Variants in SND1 observed in about 807,000 individuals in gnomAD.
SND1 encodes the protein staphylococcal nuclease domain-containing protein 1.
In SND1, 38 loss-of-function variants were observed where a neutral mutation model predicts 121.7. The ratio of observed to expected loss-of-function variants is 0.31; its 90% CI spans 0.24 to 0.41. SND1 has a LOEUF of 0.41. Among genes scored for constraint, SND1 ranks in the 10% least tolerant of loss-of-function variants. SND1 has a pLI of 1.00. For synonymous variants in SND1, 401 were observed against 447.4 expected, an observed-to-expected ratio of 0.90 and a Z score of 1.31; for missense variants, 868 against 1,184.6, an observed-to-expected ratio of 0.73 and a Z score of 3.92.
intron 12 of SND1, among the ~76,000 whole-genome samples, chr7:127,849,995 G>A (rs1018166957): frequency 6.6e-6 from 1 of 152,190 alleles, no homozygotes; most frequent in Non-Finnish European, 1.5e-5. Context: ...TTCGTGGATA[G>A]CGCTTACCTT....
At chr7:127,735,517 A>G (rs1006597017) in intron 10 of SND1, among the ~76,000 whole-genome samples, 2 of 152,278 alleles carry the variant, frequency 1.3e-5, no homozygotes, top group Admixed American at 6.5e-5. Context: ...GTTCCAGGCC[A>G]GCCCTGGCAA....
intron 17 of SND1, among the ~76,000 whole-genome samples, chr7:128,076,500 A>AG (rs1362054644): frequency 1.3e-5 from 2 of 152,102 alleles, no homozygotes; most frequent in African/African-American, 4.8e-5. Flanking sequence ...TTCCTCCTGG[A>AG]GGGGCTGTTT....
At chr7:127,821,476 C>T (rs906511683) in intron 11 of SND1, among the ~76,000 whole-genome samples, 3 of 152,128 alleles carry the variant, frequency 2.0e-5, no homozygotes, top group African/African-American at 7.2e-5. Context: ...ACTGTTGTCT[C>T]CAGGTTGATG....
At position 128,089,622 on chromosome 7, in the gene SND1, T is replaced by A; in HGVS notation, c.2552T>A (p.Val851Glu). Residue 851 changes from valine (V) to glutamate (E), a missense_variant, in exon 22 of 24, where the codon GTG (valine) becomes GAG (glutamate). By Grantham distance (121) the Val-to-Glu change is moderately radical. Transcript: ENST00000354725. ...TLQFADSKGD[V>E]GLGLVKEGLV... The stretch of plus-strand genomic sequence containing the variant: ...CAGTTTGCAGATTCCAAGGGCGATG[T>A]GGGGCTGGGCTTGGTGAAGGAAGGG... 1 of 1,614,098 alleles carries A rather than the reference T, an allele frequency of 6.2e-7. No homozygotes were observed. Among genetic ancestry groups the A allele is most frequent in the Non-Finnish European group, 8.5e-7 (1 of 1,179,986 alleles).
intron 10 of SND1, among the ~76,000 whole-genome samples, chr7:127,733,267 G>A (rs1489590301): frequency 1.3e-5 from 2 of 151,594 alleles, no homozygotes; most frequent in Non-Finnish European, 2.9e-5. Context: ...ATGGATAATT[G>A]AGGGATGGAA....
chr7:127,855,485 G>A (rs1799258317), intron 12 of SND1, among the ~76,000 whole-genome samples: 1 of 150,960 alleles, frequency 6.6e-6, no homozygotes, highest in African/African-American at 2.4e-5. Context: ...ATTAGATACT[G>A]TGTAATCATG....
chr7:127,855,552 A>G (rs1324120018), intron 12 of SND1, among the ~76,000 whole-genome samples: 1 of 152,064 alleles, frequency 6.6e-6, no homozygotes, highest in Non-Finnish European at 1.5e-5. Context: ...AGTTAGAGAT[A>G]ATAGTATATA....
chr7:127,928,117 G>A (rs922071990), intron 14 of SND1: 2 of 152,244 alleles, frequency 1.3e-5, no homozygotes, highest in Admixed American at 1.3e-4. Context: ...AGTTCTGAGA[G>A]TCGAAATGTC....
chr7:127,695,453 C>G (rs1795989908), intron 3 of SND1, among the ~76,000 whole-genome samples: 1 of 152,108 alleles, frequency 6.6e-6, no homozygotes, highest in Non-Finnish European at 1.5e-5. Flanking sequence ...GGTTAGAATT[C>G]TGATTTCCTA....
At chr7:127,976,829 C>T (rs1183967762) in intron 15 of SND1, among the ~76,000 whole-genome samples, 1 of 152,138 alleles carries the variant, frequency 6.6e-6, no homozygotes, top group East Asian at 1.9e-4. Context: ...TCCACAGTGC[C>T]TGGGGCTGCT....
At chr7:127,998,340 C>T in intron 16 of SND1, 1 of 191,080 alleles carries the variant, frequency 5.2e-6, no homozygotes, top group Non-Finnish European at 1.1e-5. Flanking sequence ...TACTATAGGA[C>T]CCTGACCTGC....
At chr7:127,724,674 T>C (rs1184397507) in intron 10 of SND1, among the ~76,000 whole-genome samples, 1 of 152,202 alleles carries the variant, frequency 6.6e-6, no homozygotes, top group Non-Finnish European at 1.5e-5. Context: ...AATTTTGAAT[T>C]GGTGAGTGGC....
intron 10 of SND1, among the ~76,000 whole-genome samples, chr7:127,760,859 G>A (rs17151270): frequency 0.33 from 50,127 of 152,026 alleles, 9,120 homozygotes; most frequent in Admixed American, 0.42. Flanking sequence ...GCCATTTGGT[G>A]GTTGCTGGTA....
chr7:128,008,935 T>C (rs1301459871), intron 16 of SND1, among the ~76,000 whole-genome samples: 1 of 152,204 alleles, frequency 6.6e-6, no homozygotes, highest in Non-Finnish European at 1.5e-5. Context: ...TATTTAGTCC[T>C]GATGGTGTGG....
intron 12 of SND1, among the ~76,000 whole-genome samples, chr7:127,861,359 T>C (rs1799374854): frequency 6.6e-6 from 1 of 152,228 alleles, no homozygotes; most frequent in South Asian, 2.1e-4. Flanking sequence ...GAATTGGGAC[T>C]ATTTTCTATA....
chr7:128,041,818 C>G (rs191400431), intron 16 of SND1, among the ~76,000 whole-genome samples: 5 of 152,314 alleles, frequency 3.3e-5, no homozygotes, highest in African/African-American at 9.6e-5. Flanking sequence ...TGCCTCATCC[C>G]AACACCACTC....
intron 10 of SND1, among the ~76,000 whole-genome samples, chr7:127,794,979 G>T (rs184781410): frequency 6.6e-6 from 1 of 152,176 alleles, no homozygotes; most frequent in Admixed American, 6.5e-5. Context: ...CTTTAGACCT[G>T]CTTTTGTCTT....
At chr7:127,864,557 T>C (rs1196366984) in intron 12 of SND1, among the ~76,000 whole-genome samples, 8 of 152,304 alleles carry the variant, frequency 5.3e-5, no homozygotes, top group African/African-American at 1.9e-4. Context: ...AGCAGAGTCT[T>C]TCCTGTTAGA....
chr7:127,927,108 C>G (rs1800858755), intron 14 of SND1, among the ~76,000 whole-genome samples: 1 of 152,084 alleles, frequency 6.6e-6, no homozygotes, highest in Non-Finnish European at 1.5e-5. Context: ...AGGTTTCTCT[C>G]TTTATAAAGT....
Sources: allele counts gnomAD v4.1 joint callset (sites outside exome capture counted in the v4.1 genomes callset), GRCh38; gene constraint gnomAD v4.1.1; transcripts MANE v1.5; gene names NCBI Gene and HGNC (gene_info 2026-07-23, HGNC 2026-07-21).